PRKN: variants seen among roughly 807,000 people sequenced by gnomAD.
PRKN encodes the protein parkin RBR E3 ubiquitin protein ligase.
A neutral mutation model predicts 59.5 loss-of-function variants in PRKN; 56 were observed. That is an observed-to-expected ratio of 0.94 (90% CI 0.76 to 1.18). PRKN has a LOEUF of 1.18. PRKN is among the 50% of genes most tolerant of loss of function. The probability of loss-of-function intolerance (pLI) is 0.00; values close to 1 mark genes in which losing one functional copy is unlikely to be tolerated. For synonymous variants in PRKN, 250 were observed against 222.1 expected, an observed-to-expected ratio of 1.13 and a Z score of -1.12; for missense variants, 657 against 596.4, an observed-to-expected ratio of 1.10 and a Z score of -1.06.
intron 7 of PRKN, among the ~76,000 whole-genome samples, chr6:161,632,277 G>A (rs977336582): frequency 6.6e-6 from 1 of 152,014 alleles, no homozygotes; most frequent in African/African-American, 2.4e-5. Flanking sequence ...GGTAAGAATC[G>A]TCCTTAATTG....
At chr6:162,450,555 T>A (rs540156610) in intron 1 of PRKN, among the ~76,000 whole-genome samples, 7 of 152,280 alleles carry the variant, frequency 4.6e-5, no homozygotes, top group East Asian at 1.9e-4. Context: ...ATCTTGATCA[T>A]GTTTACCCTT....
At chr6:161,867,386 T>C (rs1298517310) in intron 6 of PRKN, among the ~76,000 whole-genome samples, 1 of 152,244 alleles carries the variant, frequency 6.6e-6, no homozygotes, top group African/African-American at 2.4e-5. Flanking sequence ...CAAAATATTA[T>C]TCTTTAAACA....
intron 4 of PRKN, among the ~76,000 whole-genome samples, chr6:162,158,456 G>A (rs1198921248): frequency 6.7e-6 from 1 of 149,354 alleles, no homozygotes; most frequent in Non-Finnish European, 1.5e-5. Flanking sequence ...TTTTGAGATG[G>A]AATCCCACTC....
chr6:162,401,626 T>C (rs965359578), intron 2 of PRKN, among the ~76,000 whole-genome samples: 2 of 152,156 alleles, frequency 1.3e-5, no homozygotes, highest in African/African-American at 2.4e-5. Flanking sequence ...TTTTCCACTA[T>C]TGAAAACTCA....
intron 9 of PRKN, among the ~76,000 whole-genome samples, chr6:161,496,814 A>T (rs188434226): frequency 6.6e-6 from 1 of 152,172 alleles, no homozygotes; most frequent in African/African-American, 2.4e-5. Context: ...CCATGAGATG[A>T]TGGGAGCAGA....
At chr6:162,719,704 C>T (rs1017576493) in intron 1 of PRKN, among the ~76,000 whole-genome samples, 4 of 152,142 alleles carry the variant, frequency 2.6e-5, no homozygotes, top group Non-Finnish European at 5.9e-5. Context: ...CCTGTGATAA[C>T]CCTCAGAAAC....
intron 2 of PRKN, among the ~76,000 whole-genome samples, chr6:162,418,613 AGTGTGTGTGTGTGTGTGTGTGTGT>A (rs140621171): frequency 2.4e-5 from 3 of 126,324 alleles, no homozygotes; most frequent in East Asian, 5.5e-4. Context: ...AGGGACAGAC[AGTGTGTGTGTGTGTGTGTGTGTGT>A]GTGTGTGTGT....
intron 7 of PRKN, among the ~76,000 whole-genome samples, chr6:161,678,568 A>AATTTTTTTTTTTTTTTTTTTTTTT (rs562536578): frequency 8.2e-6 from 1 of 121,446 alleles, no homozygotes. Flanking sequence ...TTGGTGCCTG[A>AATTTTTTTTTTTTTTTTTTTTTTT]TTTTTTTTTT....
At chr6:161,813,423 G>C (rs936911239) in intron 6 of PRKN, among the ~76,000 whole-genome samples, 3 of 152,140 alleles carry the variant, frequency 2.0e-5, no homozygotes, top group African/African-American at 4.8e-5. Context: ...GGTGGGACTC[G>C]GGGTAGCTGA....
At chr6:161,723,988 G>A (rs1323777180) in intron 7 of PRKN, among the ~76,000 whole-genome samples, 1 of 152,198 alleles carries the variant, frequency 6.6e-6, no homozygotes, top group Non-Finnish European at 1.5e-5. Context: ...TGAGTGCGTG[G>A]AAGCAGCTCC....
chr6:162,175,262 C>T lies in PRKN; in HGVS notation c.534+25869G>A, dbSNP rs115786984. Among the ~76,000 whole-genome samples the T allele has an allele frequency of 6.2e-3, 946 of 152,184 alleles. 13 individuals carry two copies. The highest frequency in any genetic ancestry group is 0.021 in the African/African-American group (867 of 41,510). On this transcript the variant is annotated intron_variant, in intron 4 of 11. Transcript: ENST00000366898. ...GGACCAAATTAAAATGCTTGAATCA[C>T]GTAACTTTTTAAAACATAGTTTGAG... is the stretch of plus-strand genomic sequence containing the variant.
chr6:162,643,968 A>T (rs1384604818), intron 1 of PRKN: 1 of 152,172 alleles, frequency 6.6e-6, no homozygotes, highest in East Asian at 1.9e-4. Context: ...TAGAAAACAT[A>T]CATTTAATCT....
At chr6:162,265,340 G>A (rs1780080290) in intron 2 of PRKN, 1 of 152,216 alleles carries the variant, frequency 6.6e-6, no homozygotes. Flanking sequence ...CCAAAGGGAT[G>A]TTAGCAGATG....
At chr6:162,505,051 G>A (rs1346224619) in intron 1 of PRKN, among the ~76,000 whole-genome samples, 1 of 152,136 alleles carries the variant, frequency 6.6e-6, no homozygotes, top group Non-Finnish European at 1.5e-5. Context: ...TAAGGGAGAG[G>A]AAAATGCAGA....
intron 1 of PRKN, among the ~76,000 whole-genome samples, chr6:162,476,753 C>T (rs1272852863): frequency 6.6e-6 from 1 of 152,110 alleles, no homozygotes; most frequent in African/African-American, 2.4e-5. Flanking sequence ...ACGATTCTAT[C>T]GTCATCATTC....
At chr6:161,532,166 C>CTCTCTCTATA (rs1355724171) in intron 9 of PRKN, among the ~76,000 whole-genome samples, 71 of 115,400 alleles carry the variant, frequency 6.2e-4, no homozygotes, top group African/African-American at 2.3e-3. Flanking sequence ...CTCTCTCTCT[C>CTCTCTCTATA]TATATATATA....
intron 1 of PRKN, among the ~76,000 whole-genome samples, chr6:162,472,973 CA>C (rs1791833452): frequency 6.6e-6 from 1 of 151,676 alleles, no homozygotes; most frequent in South Asian, 2.1e-4. Flanking sequence ...CATGGTTATT[CA>C]ATTAAGGAAA....
chr6:162,051,125 T>G (rs1777623094), intron 5 of PRKN, among the ~76,000 whole-genome samples: 1 of 152,126 alleles, frequency 6.6e-6, no homozygotes. Context: ...GTCTTTTCAG[T>G]GCAGGGAAGA....
At chr6:161,910,376 T>C (rs985662954) in intron 6 of PRKN, among the ~76,000 whole-genome samples, 2 of 152,082 alleles carry the variant, frequency 1.3e-5, no homozygotes, top group African/African-American at 4.8e-5. Context: ...TGCCTCAGCC[T>C]CTCGAGTAGC....
Sources: gnomAD v4.1 joint callset for allele counts (sites outside exome capture counted in the v4.1 genomes callset) on GRCh38, gnomAD v4.1.1 for gene constraint, MANE v1.5 for transcripts, NCBI Gene and HGNC (gene_info 2026-07-23, HGNC 2026-07-21) for gene names.